TRPS1: variants seen among roughly 807,000 people sequenced by gnomAD.
The protein encoded by TRPS1 is zinc finger transcription factor Trps1.
TRPS1 carries 6 observed loss-of-function variants against 101.2 expected under a neutral mutation model. That is an observed-to-expected ratio of 0.06 (90% confidence interval 0.03 to 0.12). The LOEUF (loss-of-function observed/expected upper bound fraction) is 0.12. Among genes scored for constraint, TRPS1 ranks in the 10% least tolerant of loss-of-function variants. The probability of loss-of-function intolerance (pLI) is 1.00; values close to 1 mark genes in which losing one functional copy is unlikely to be tolerated. For synonymous variants in TRPS1, 578 were observed against 589.8 expected (o/e 0.98, Z 0.29); for missense variants, 1,363 against 1,567.0 (o/e 0.87, Z 2.20).
intron 1 of TRPS1, among the ~76,000 whole-genome samples, chr8:115,649,714 T>C (rs1811516011): frequency 6.6e-6 from 1 of 152,228 alleles, no homozygotes; most frequent in Non-Finnish European, 1.5e-5. Context: ...TACACGCAGC[T>C]CATTTCTATG....
intron 1 of TRPS1, among the ~76,000 whole-genome samples, chr8:115,644,582 T>C (rs1818978784): frequency 6.6e-6 from 1 of 152,246 alleles, no homozygotes; most frequent in African/African-American, 2.4e-5. Context: ...GTTTTTGCTT[T>C]CTTATCATGT....
chr8:115,490,115 G>T (rs923179861), intron 5 of TRPS1, among the ~76,000 whole-genome samples: 1 of 151,978 alleles, frequency 6.6e-6, no homozygotes, highest in African/African-American at 2.4e-5. Context: ...TCAGTGCAAG[G>T]CACACACAAG....
chr8:115,446,867 G>C (rs1337869177), intron 5 of TRPS1, among the ~76,000 whole-genome samples: 1 of 152,078 alleles, frequency 6.6e-6, no homozygotes, highest in African/African-American at 2.4e-5. Flanking sequence ...AGTCTCCTTA[G>C]CAGTTTTCAG....
At chr8:115,616,093 T>C (rs1411187817) in intron 3 of TRPS1, among the ~76,000 whole-genome samples, 1 of 152,132 alleles carries the variant, frequency 6.6e-6, no homozygotes, top group Non-Finnish European at 1.5e-5. Flanking sequence ...CCTCAAGGTG[T>C]TGGGGGGAGA....
At chr8:115,434,886 T>C (rs1008867430) in intron 5 of TRPS1, among the ~76,000 whole-genome samples, 1 of 152,208 alleles carries the variant, frequency 6.6e-6, no homozygotes, top group African/African-American at 2.4e-5. Context: ...AGTTTTATCC[T>C]TTAGGGATTT....
intron 3 of TRPS1, among the ~76,000 whole-genome samples, chr8:115,614,082 T>G (rs1267749074): frequency 6.6e-6 from 1 of 152,106 alleles, no homozygotes; most frequent in Non-Finnish European, 1.5e-5. Flanking sequence ...CTCCAAACTT[T>G]CCCCGTATTG....
At chr8:115,505,944 G>GA (rs2130166501) in intron 5 of TRPS1, among the ~76,000 whole-genome samples, 1 of 80 alleles carries the variant, frequency 0.013, no homozygotes, top group East Asian at 0.25. Flanking sequence ...TATATGGGTA[G>GA]AAGGGGAAAA....
intron 5 of TRPS1, among the ~76,000 whole-genome samples, chr8:115,549,639 G>C (rs1177296871): frequency 6.7e-6 from 1 of 149,308 alleles, no homozygotes; most frequent in South Asian, 2.1e-4. Context: ...TAGGAACCTT[G>C]GTCAAGTAGC....
chr8:115,498,011 C>T (rs945101268), intron 5 of TRPS1, among the ~76,000 whole-genome samples: 12 of 152,118 alleles, frequency 7.9e-5, no homozygotes, highest in East Asian at 1.9e-4. Flanking sequence ...CAAAAGAACT[C>T]GAAAAACAAT....
At chr8:115,570,610 C>T (rs1453755217) in intron 5 of TRPS1, among the ~76,000 whole-genome samples, 1 of 151,712 alleles carries the variant, frequency 6.6e-6, no homozygotes, top group Admixed American at 6.6e-5. Context: ...TCTCTCATAT[C>T]TTTGTTCTAC....
chr8:115,546,138 C>A (rs1224752459), intron 5 of TRPS1, among the ~76,000 whole-genome samples: 1 of 151,560 alleles, frequency 6.6e-6, no homozygotes, highest in Non-Finnish European at 1.5e-5. Context: ...GGGCAGCAAG[C>A]AACTTTCAAA....
At chr8:115,462,199 T>C (rs562143995) in intron 5 of TRPS1, among the ~76,000 whole-genome samples, 1 of 152,208 alleles carries the variant, frequency 6.6e-6, no homozygotes, top group Non-Finnish European at 1.5e-5. Context: ...AGGAACAAGA[T>C]AGCTCCCAAG....
chr8:115,657,397 A>G (rs1811699414), intron 1 of TRPS1, among the ~76,000 whole-genome samples: 1 of 152,124 alleles, frequency 6.6e-6, no homozygotes, highest in African/African-American at 2.4e-5. Flanking sequence ...TGGAAGTACA[A>G]TCATTTATTG....
intron 5 of TRPS1, among the ~76,000 whole-genome samples, chr8:115,585,466 G>T (rs549363125): frequency 8.5e-5 from 13 of 152,168 alleles, no homozygotes; most frequent in African/African-American, 3.1e-4. Flanking sequence ...AAGGAAAGGG[G>T]TTCCGGTGAT....
chr8:115,534,634 G>A (rs571125001), intron 5 of TRPS1, among the ~76,000 whole-genome samples: 3 of 152,194 alleles, frequency 2.0e-5, no homozygotes, highest in Non-Finnish European at 4.4e-5. Context: ...AGACAAAAGA[G>A]ACAACTCCCC....
chr8:115,453,308 C>T (rs989667382), intron 5 of TRPS1, among the ~76,000 whole-genome samples: 6 of 152,208 alleles, frequency 3.9e-5, no homozygotes, highest in South Asian at 2.1e-4. Flanking sequence ...TGTGAGCCAC[C>T]GCGCCCAGCC....
At chr8:115,665,005 C>T (rs1811888357) in intron 1 of TRPS1, among the ~76,000 whole-genome samples, 3 of 152,140 alleles carry the variant, frequency 2.0e-5, no homozygotes, top group Non-Finnish European at 2.9e-5. Context: ...CAATTATAGA[C>T]ACCTGCCCAT....
intron 2 of TRPS1, among the ~76,000 whole-genome samples, chr8:115,620,954 T>C (rs6980574): frequency 0.058 from 8,792 of 152,212 alleles, 794 homozygotes; most frequent in African/African-American, 0.19. Flanking sequence ...TATGACATTG[T>C]CCTTGTGTAG....
At chr8:115,625,909 T>C (rs1345985501) in intron 1 of TRPS1, among the ~76,000 whole-genome samples, 1 of 151,884 alleles carries the variant, frequency 6.6e-6, no homozygotes, top group African/African-American at 2.4e-5. Flanking sequence ...AGATGACATT[T>C]TCTTTTTGTT....
Sources: gnomAD v4.1 joint callset for allele counts (sites outside exome capture counted in the v4.1 genomes callset) on GRCh38, gnomAD v4.1.1 for gene constraint, MANE v1.5 for transcripts, NCBI Gene and HGNC (gene_info 2026-07-23, HGNC 2026-07-21) for gene names.